Variants in ADAMTS18 observed in about 807,000 individuals in gnomAD.
ADAMTS18 encodes the protein ADAM metallopeptidase with thrombospondin type 1 motif 18, also known as A disintegrin and metalloproteinase with thrombospondin motifs 18.
A neutral mutation model predicts 165.9 loss-of-function variants in ADAMTS18; 157 were observed. That is an observed-to-expected ratio of 0.95 (90% CI 0.83 to 1.08). The LOEUF is 1.08. ADAMTS18 is among the 50% of genes least tolerant of loss of function. The probability of loss-of-function intolerance (pLI) is 0.00; values close to 1 mark genes in which losing one functional copy is unlikely to be tolerated. For missense variants in ADAMTS18, 2,040 were observed against 1,534.0 expected, an observed-to-expected ratio of 1.33 and a Z score of -5.51; for synonymous variants, 782 against 578.2, an observed-to-expected ratio of 1.35 and a Z score of -5.06.
At chr16:77,286,122 T>A (rs1438729141) in intron 22 of ADAMTS18, among the ~76,000 whole-genome samples, 1 of 152,170 alleles carries the variant, frequency 6.6e-6, no homozygotes, top group Non-Finnish European at 1.5e-5. Context: ...ACTCCAAGCA[T>A]CGTGCCATTC....
At chr16:77,321,295 G>C in intron 14 of ADAMTS18, 93 bp from the exon 15 acceptor site, 1 of 1,514,502 alleles carries the variant, frequency 6.6e-7, no homozygotes, top group Non-Finnish European at 9.1e-7. Context: ...TGTATTTACA[G>C]AACATTAGGG....
chr16:77,404,737 T>C, intron 3 of ADAMTS18, among the ~76,000 whole-genome samples: 1 of 152,144 alleles, frequency 6.6e-6, no homozygotes, highest in East Asian at 1.9e-4. Context: ...ATCCTTTGCG[T>C]CTAAGGTGAC....
At chr16:77,400,490 T>TG (rs2057316299) in intron 3 of ADAMTS18, among the ~76,000 whole-genome samples, 1 of 148,900 alleles carries the variant, frequency 6.7e-6, no homozygotes. Context: ...GTTTTGTTTT[T>TG]TTTTTTTTTG....
intron 17 of ADAMTS18, among the ~76,000 whole-genome samples, chr16:77,298,761 C>T (rs572242447): frequency 4.6e-5 from 7 of 152,348 alleles, no homozygotes; most frequent in African/African-American, 1.7e-4. Context: ...TACTGCATTC[C>T]AGCCTGGGTG....
At chr16:77,384,801 C>A (rs2144777871) in intron 3 of ADAMTS18, among the ~76,000 whole-genome samples, 1 of 149,676 alleles carries the variant, frequency 6.7e-6, no homozygotes, top group Admixed American at 6.8e-5. Context: ...ATCAGCTCTT[C>A]TTCTGATACC....
chr16:77,407,450 T>C (rs189058568), intron 3 of ADAMTS18, among the ~76,000 whole-genome samples: 1 of 152,118 alleles, frequency 6.6e-6, no homozygotes, highest in African/African-American at 2.4e-5. Context: ...TTGGTAGAAA[T>C]TGGCAAACTA....
chr16:77,338,231 T>TTTG (rs201841943), intron 11 of ADAMTS18, among the ~76,000 whole-genome samples: 40 of 151,902 alleles, frequency 2.6e-4, no homozygotes, highest in South Asian at 6.3e-4. Flanking sequence ...CATATTTTTC[T>TTTG]TTGTTGTTGT....
chr16:77,390,699 G>GAAAAAAAAAAAAAAAAAAAAAAAA (rs572079107), intron 3 of ADAMTS18, among the ~76,000 whole-genome samples: 1 of 132,384 alleles, frequency 7.6e-6, no homozygotes, highest in Non-Finnish European at 1.7e-5. Context: ...CAAAAAAAAA[G>GAAAAAAAAAAAAAAAAAAAAAAAA]AAAAAAAAAA....
intron 7 of ADAMTS18, among the ~76,000 whole-genome samples, 172 bp downstream of exon 7, chr16:77,361,933 C>A (rs1333944390): frequency 6.6e-6 from 1 of 152,064 alleles, no homozygotes; most frequent in East Asian, 1.9e-4. Flanking sequence ...TCCCCACATT[C>A]TAAGTTCAGT....
intron 3 of ADAMTS18, among the ~76,000 whole-genome samples, chr16:77,397,009 A>T (rs2057266436): frequency 6.6e-6 from 1 of 151,988 alleles, no homozygotes; most frequent in Non-Finnish European, 1.5e-5. Context: ...AGGTTTCACC[A>T]TGTTGGCCAG....
At chr16:77,289,601 G>A in intron 21 of ADAMTS18, 190 bp from the exon 22 acceptor site, 3 of 685,650 alleles carry the variant, frequency 4.4e-6, no homozygotes, top group Non-Finnish European at 7.4e-6. Context: ...GATCTGATTA[G>A]AAGGGTTTTA....
intron 3 of ADAMTS18, among the ~76,000 whole-genome samples, chr16:77,404,442 T>C: frequency 6.6e-6 from 1 of 152,096 alleles, no homozygotes; most frequent in African/African-American, 2.4e-5. Flanking sequence ...TATAAGTTCT[T>C]CTCTATAAGT....
At chr16:77,387,895 C>G (rs2057131392) in intron 3 of ADAMTS18, among the ~76,000 whole-genome samples, 1 of 152,170 alleles carries the variant, frequency 6.6e-6, no homozygotes, top group Non-Finnish European at 1.5e-5. Context: ...ATCCATGAAG[C>G]TGGAATGAGA....
intron 3 of ADAMTS18, among the ~76,000 whole-genome samples, chr16:77,375,890 C>CTTTTTTTTTTTTTTTTTTTTTTTTTTTT (rs200629744): frequency 1.1e-5 from 1 of 93,904 alleles, no homozygotes; most frequent in Non-Finnish European, 2.1e-5. Flanking sequence ...TCTTTCTTTC[C>CTTTTTTTTTTTTTTTTTTTTTTTTTTTT]TTTTTTTTTT....
intron 12 of ADAMTS18, among the ~76,000 whole-genome samples, chr16:77,333,814 C>G (rs774814286): frequency 1.0e-4 from 15 of 146,044 alleles, no homozygotes; most frequent in Non-Finnish European, 1.8e-4. Flanking sequence ...AGTACAGATA[C>G]TATATATTAA....
intron 19 of ADAMTS18, 48 bp downstream of exon 19, chr16:77,294,875 G>T: frequency 6.3e-7 from 1 of 1,579,494 alleles, no homozygotes. Flanking sequence ...CTCTACTTTT[G>T]CCTTCATGGG....
intron 16 of ADAMTS18, among the ~76,000 whole-genome samples, chr16:77,317,402 C>T (rs532346721): frequency 2.6e-5 from 4 of 152,258 alleles, no homozygotes; most frequent in Admixed American, 6.5e-5. Context: ...GATGCAATCT[C>T]GGCTCACTGC....
intron 3 of ADAMTS18, among the ~76,000 whole-genome samples, chr16:77,393,628 A>T (rs1358028360): frequency 1.3e-5 from 2 of 152,194 alleles, no homozygotes; most frequent in African/African-American, 4.8e-5. Flanking sequence ...CACAGCAAGA[A>T]GGTGACAATC....
At chr16:77,325,287 T>C (rs1214545020) in intron 13 of ADAMTS18, among the ~76,000 whole-genome samples, 2 of 152,248 alleles carry the variant, frequency 1.3e-5, no homozygotes, top group Admixed American at 6.5e-5. Flanking sequence ...TCTTCTGCTG[T>C]AACTAATGTT....
Sources: allele counts gnomAD v4.1 joint callset (sites outside exome capture counted in the v4.1 genomes callset), GRCh38; gene constraint gnomAD v4.1.1; transcripts MANE v1.5; gene names NCBI Gene and HGNC (gene_info 2026-07-23, HGNC 2026-07-21).